The following KLF12 variants were observed in gnomAD, a reference collection of about 807,000 sequenced individuals.
The protein encoded by KLF12 is Krueppel-like factor 12.
Under a neutral mutation model 37.8 loss-of-function variants are expected in KLF12, and 9 were observed. The ratio of observed to expected loss-of-function variants is 0.24; its 90% CI spans 0.14 to 0.42. The LOEUF is 0.42. Among genes scored for constraint, KLF12 ranks in the 10% least tolerant of loss-of-function variants. KLF12 has a pLI of 1.00. For missense variants in KLF12, 411 were observed against 516.0 expected (o/e 0.80, Z 1.97); for synonymous variants, 208 against 202.1 (o/e 1.03, Z -0.25).
intron 1 of KLF12, among the ~76,000 whole-genome samples, chr13:74,052,159 A>T (rs1439340790): frequency 6.6e-6 from 1 of 152,128 alleles, no homozygotes; most frequent in Admixed American, 6.6e-5. Flanking sequence ...AGAAAGAACT[A>T]ACTTTTTAGA....
At chr13:74,033,165 T>G (rs969654159) in intron 1 of KLF12, among the ~76,000 whole-genome samples, 4 of 152,212 alleles carry the variant, frequency 2.6e-5, no homozygotes, top group African/African-American at 9.6e-5. Context: ...AAAACACCAT[T>G]GCTTTTATTT....
chr13:73,957,175 T>G (rs1381837570), intron 2 of KLF12, among the ~76,000 whole-genome samples: 1 of 150,146 alleles, frequency 6.7e-6, no homozygotes, highest in Non-Finnish European at 1.5e-5. Flanking sequence ...TACTTCCCAA[T>G]AAAATAATAC....
chr13:73,983,178 T>C (rs560221526), intron 2 of KLF12, among the ~76,000 whole-genome samples: 8 of 152,188 alleles, frequency 5.3e-5, no homozygotes, highest in Non-Finnish European at 1.2e-4. Context: ...GAAGTTCAAG[T>C]GTACAGGGTT....
intron 6 of KLF12, among the ~76,000 whole-genome samples, chr13:73,721,313 C>A (rs1484337196): frequency 6.6e-6 from 1 of 151,998 alleles, no homozygotes; most frequent in African/African-American, 2.4e-5. Context: ...TATTACAAAC[C>A]AACATATGAT....
chr13:74,295,325 A>G, the KLF12 span, among the ~76,000 whole-genome samples: 1 of 152,140 alleles, frequency 6.6e-6, no homozygotes. Context: ...TAAACCACAC[A>G]TAACGCATTC....
At chr13:73,928,924 C>A (rs1889534277) in intron 3 of KLF12, among the ~76,000 whole-genome samples, 1 of 152,082 alleles carries the variant, frequency 6.6e-6, no homozygotes, top group Admixed American at 6.6e-5. Context: ...ATAAATAGTA[C>A]CCCCCATAGA....
the KLF12 span, among the ~76,000 whole-genome samples, chr13:74,166,439 G>A: frequency 6.6e-6 from 1 of 151,960 alleles, no homozygotes; most frequent in Non-Finnish European, 1.5e-5. Flanking sequence ...GATAACAAAT[G>A]GAATGCTCTA....
the KLF12 span, among the ~76,000 whole-genome samples, chr13:74,227,104 A>G: frequency 6.6e-6 from 1 of 152,082 alleles, no homozygotes; most frequent in Non-Finnish European, 1.5e-5. Flanking sequence ...TGACTCTTTT[A>G]TTTCCAATAC....
intron 6 of KLF12, among the ~76,000 whole-genome samples, chr13:73,738,076 CAT>C (rs1229637826): frequency 2.9e-4 from 42 of 142,692 alleles, no homozygotes; most frequent in East Asian, 1.0e-3. Flanking sequence ...TATACACACA[CAT>C]ATATGTATGT....
chr13:73,706,165 A>C (rs1264708797), intron 7 of KLF12, among the ~76,000 whole-genome samples: 1 of 152,200 alleles, frequency 6.6e-6, no homozygotes, highest in Non-Finnish European at 1.5e-5. Flanking sequence ...AAACAAACAA[A>C]CAAACAAACA....
intron 1 of KLF12, among the ~76,000 whole-genome samples, chr13:74,036,449 G>T (rs143685566): frequency 9.1e-4 from 139 of 152,064 alleles, no homozygotes; most frequent in African/African-American, 3.3e-3. Flanking sequence ...TTGTCCCCAC[G>T]CCCACCCACA....
chr13:74,205,981 G>A, the KLF12 span, among the ~76,000 whole-genome samples: 1 of 152,146 alleles, frequency 6.6e-6, no homozygotes, highest in African/African-American at 2.4e-5. Flanking sequence ...GAGATGACAA[G>A]AGATGCAAGT....
At chr13:73,771,318 T>G (rs899118986) in intron 5 of KLF12, among the ~76,000 whole-genome samples, 1 of 152,250 alleles carries the variant, frequency 6.6e-6, no homozygotes, top group African/African-American at 2.4e-5. Context: ...GGTACTAAAG[T>G]AGGCACTCAA....
chr13:73,994,673 T>C (rs1170410789), intron 2 of KLF12, among the ~76,000 whole-genome samples: 1 of 152,242 alleles, frequency 6.6e-6, no homozygotes, highest in Non-Finnish European at 1.5e-5. Flanking sequence ...GGCTTCTTTT[T>C]TTGTACCAGT....
At chr13:74,019,188 CTTA>C (rs913352653) in intron 1 of KLF12, among the ~76,000 whole-genome samples, 13 of 152,120 alleles carry the variant, frequency 8.5e-5, no homozygotes, top group African/African-American at 2.9e-4. Context: ...AAAATGTTAA[CTTA>C]TTATGTTTTA....
intron 7 of KLF12, among the ~76,000 whole-genome samples, chr13:73,698,193 G>A (rs1874284407): frequency 6.6e-6 from 1 of 151,420 alleles, no homozygotes; most frequent in African/African-American, 2.4e-5. Context: ...AGGAAAGGGG[G>A]AGGGGAAAGG....
chr13:74,003,626 T>C (rs1236994211), intron 1 of KLF12, among the ~76,000 whole-genome samples: 2 of 152,210 alleles, frequency 1.3e-5, no homozygotes, highest in African/African-American at 2.4e-5. Context: ...CTAAGAATTA[T>C]GTCATGTTCC....
intron 1 of KLF12, among the ~76,000 whole-genome samples, chr13:74,086,888 A>C (rs1875338774): frequency 6.6e-6 from 1 of 152,194 alleles, no homozygotes; most frequent in Non-Finnish European, 1.5e-5. Flanking sequence ...AATCATAAGG[A>C]AAAGAAAATA....
chr13:74,204,877 C>T, the KLF12 span, among the ~76,000 whole-genome samples: 5 of 152,026 alleles, frequency 3.3e-5, no homozygotes, highest in South Asian at 2.1e-4. Flanking sequence ...CAACTTCTTT[C>T]TAGTTTATTG....
Sources: allele counts gnomAD v4.1 joint callset (sites outside exome capture counted in the v4.1 genomes callset), GRCh38; gene constraint gnomAD v4.1.1; transcripts MANE v1.5; gene names NCBI Gene and HGNC (gene_info 2026-07-23, HGNC 2026-07-21).